Variants in CAMK4 observed in about 807,000 individuals in gnomAD.
CAMK4 encodes calcium/calmodulin dependent protein kinase IV.
Under a neutral mutation model 44.9 loss-of-function variants are expected in CAMK4, and 22 were observed. That is an observed-to-expected ratio of 0.49 (90% CI 0.35 to 0.70). The LOEUF (loss-of-function observed/expected upper bound fraction) is 0.70. Among genes scored for constraint, CAMK4 ranks in the 30% least tolerant of loss-of-function variants. The probability of loss-of-function intolerance (pLI) is 0.01; values close to 1 mark genes in which losing one functional copy is unlikely to be tolerated. For missense variants in CAMK4, 498 were observed against 586.8 expected (o/e 0.85, Z 1.56); for synonymous variants, 218 against 215.4 (o/e 1.01, Z -0.11).
chr5:111,456,942 T>C (rs1053102967), intron 7 of CAMK4, among the ~76,000 whole-genome samples: 2 of 152,258 alleles, frequency 1.3e-5, no homozygotes, highest in African/African-American at 4.8e-5. Context: ...GATCAGACAC[T>C]GAATGAAACA....
intron 2 of CAMK4, chr5:111,365,272 G>T (rs1377360959): frequency 1.3e-5 from 2 of 152,152 alleles, no homozygotes; most frequent in Non-Finnish European, 2.9e-5. Flanking sequence ...AAGATAGGTA[G>T]TAGAAATCAG....
intron 1 of CAMK4, among the ~76,000 whole-genome samples, chr5:111,233,402 CTCTT>C (rs1473875948): frequency 3.3e-5 from 5 of 152,188 alleles, no homozygotes; most frequent in African/African-American, 1.2e-4. Flanking sequence ...TTCCATTTCT[CTCTT>C]TCTTCCTCCT....
At chr5:111,347,514 C>T (rs1225824762) in intron 2 of CAMK4, among the ~76,000 whole-genome samples, 1 of 151,948 alleles carries the variant, frequency 6.6e-6, no homozygotes, top group Non-Finnish European at 1.5e-5. Context: ...TGAAATCTCC[C>T]TAGAAGGAAC....
chr5:111,458,157 A>G (rs1754486138), intron 7 of CAMK4, among the ~76,000 whole-genome samples: 1 of 152,184 alleles, frequency 6.6e-6, no homozygotes, highest in Non-Finnish European at 1.5e-5. Flanking sequence ...TTGTGTCCCC[A>G]AGCCGTCATA....
chr5:111,311,023 G>A, intron 1 of CAMK4, among the ~76,000 whole-genome samples: 2 of 152,108 alleles, frequency 1.3e-5, no homozygotes, highest in East Asian at 1.9e-4. Context: ...AATAAAATAA[G>A]CTTCTTAACT....
intron 1 of CAMK4, among the ~76,000 whole-genome samples, chr5:111,260,956 T>C (rs1749946575): frequency 6.6e-6 from 1 of 152,228 alleles, no homozygotes; most frequent in Admixed American, 6.5e-5. Context: ...TCAGTCATAG[T>C]TCTTAAGACA....
intron 5 of CAMK4, among the ~76,000 whole-genome samples, chr5:111,402,990 T>G (rs942622496): frequency 7.2e-5 from 11 of 152,264 alleles, no homozygotes; most frequent in African/African-American, 2.7e-4. Flanking sequence ...AATAAGATAC[T>G]GAACCGTTTT....
intron 5 of CAMK4, among the ~76,000 whole-genome samples, chr5:111,420,162 C>T (rs1216582831): frequency 6.6e-6 from 1 of 150,896 alleles, no homozygotes; most frequent in East Asian, 1.9e-4. Context: ...CCTTCACATC[C>T]CTTGTAAGTT....
chr5:111,399,659 T>C (rs1053410971), intron 5 of CAMK4, among the ~76,000 whole-genome samples: 1 of 152,216 alleles, frequency 6.6e-6, no homozygotes, highest in Non-Finnish European at 1.5e-5. Context: ...AGCCATGTAC[T>C]AAACATCTTT....
intron 4 of CAMK4, among the ~76,000 whole-genome samples, chr5:111,389,539 G>A (rs539449594): frequency 6.6e-6 from 1 of 152,250 alleles, no homozygotes; most frequent in African/African-American, 2.4e-5. Flanking sequence ...GACACCTAAG[G>A]GAGACAGCTC....
chr5:111,485,895 A>C lies in CAMK4; in HGVS notation c.*1429A>C, dbSNP rs891207916. 6.6e-6 allele frequency: 1 copy of C among 152,180 alleles called. No individual in the cohort carries two copies. The highest frequency in any genetic ancestry group is 1.9e-4 in the East Asian group (1 of 5,204). 9.4% of individuals were successfully genotyped at this position (152,180 alleles called of 1,614,324 possible). A position where few individuals can be genotyped will look rare whatever the true frequency, so the allele number is the denominator to read the frequency against. On this transcript the variant is annotated 3_prime_UTR_variant, in exon 11 of 11. Transcript: ENST00000282356. ...TTTATTTCTAGTTTGAGTTGAAATGAATATTTTATCAGATTAATTATGTGT... is the reference window on the plus strand; with the variant it reads ...TTTATTTCTAGTTTGAGTTGAAATGCATATTTTATCAGATTAATTATGTGT...
At chr5:111,289,192 C>T (rs1400986101) in intron 1 of CAMK4, among the ~76,000 whole-genome samples, 1 of 151,874 alleles carries the variant, frequency 6.6e-6, no homozygotes, top group Non-Finnish European at 1.5e-5. Flanking sequence ...ACTAAAAACA[C>T]AAAATTAGCT....
intron 5 of CAMK4, among the ~76,000 whole-genome samples, chr5:111,404,667 C>T (rs775778323): frequency 7.9e-5 from 12 of 152,042 alleles, no homozygotes; most frequent in East Asian, 3.8e-4. Flanking sequence ...TATTTTAACA[C>T]GAATGCTGGT....
At chr5:111,321,335 A>G (rs931201745) in intron 1 of CAMK4, among the ~76,000 whole-genome samples, 3 of 152,166 alleles carry the variant, frequency 2.0e-5, no homozygotes, top group Non-Finnish European at 4.4e-5. Flanking sequence ...CCCAATTTTT[A>G]TATGTTGGCA....
intron 1 of CAMK4, among the ~76,000 whole-genome samples, chr5:111,243,949 G>C (rs1029097062): frequency 1.3e-5 from 2 of 152,102 alleles, no homozygotes; most frequent in African/African-American, 4.8e-5. Context: ...CCAGTCCAGT[G>C]TTTTGTTTGT....
intron 5 of CAMK4, among the ~76,000 whole-genome samples, chr5:111,409,589 G>A (rs1371179482): frequency 6.6e-6 from 1 of 152,196 alleles, no homozygotes; most frequent in Non-Finnish European, 1.5e-5. Context: ...CATTACTTAT[G>A]CAAATTTCTA....
intron 1 of CAMK4, among the ~76,000 whole-genome samples, chr5:111,225,959 A>G (rs1748169306): frequency 1.3e-5 from 2 of 152,218 alleles, no homozygotes; most frequent in African/African-American, 4.8e-5. Context: ...AAATGAAAGG[A>G]CAATGATGTC....
In CAMK4 at chr5:111,271,016, G is replaced by A. The variant is rs937793572; in HGVS notation, c.161+46372G>A. The stretch of plus-strand genomic sequence containing the variant: ...GGAGAGTGTGAAGGAGGAACTGTCA[G>A]ACACTCATAAAACCATCAGATCACG... On this transcript the variant is annotated intron_variant, in intron 1 of 10. Transcript: ENST00000282356. 8.5e-5 allele frequency among the ~76,000 whole-genome samples: 13 copies of A among 152,276 alleles called. 1 individual carries two copies. The highest frequency in any genetic ancestry group is 4.1e-4 in the South Asian group (2 of 4,824).
At chr5:111,283,543 T>G (rs970829007) in intron 1 of CAMK4, among the ~76,000 whole-genome samples, 1 of 152,250 alleles carries the variant, frequency 6.6e-6, no homozygotes, top group African/African-American at 2.4e-5. Flanking sequence ...ATAGCCATTG[T>G]GGCAGTCTTG....
Sources: gnomAD v4.1 joint callset for allele counts (sites outside exome capture counted in the v4.1 genomes callset) on GRCh38, gnomAD v4.1.1 for gene constraint, MANE v1.5 for transcripts, NCBI Gene and HGNC (gene_info 2026-07-23, HGNC 2026-07-21) for gene names.